The following AUTS2 variants were observed in gnomAD, a reference collection of about 807,000 sequenced individuals.
AUTS2 encodes activator of transcription and developmental regulator AUTS2, also known as autism susceptibility gene 2 protein.
In AUTS2, 17 loss-of-function variants were observed where a neutral mutation model predicts 112.4. That is an observed-to-expected ratio of 0.15 (90% confidence interval 0.10 to 0.23). AUTS2 has a LOEUF of 0.23. AUTS2 is among the 10% of genes least tolerant of loss of function. The pLI is 1.00. For missense variants in AUTS2, 1,510 were observed against 1,701.6 expected (o/e 0.89, Z 1.98); for synonymous variants, 751 against 702.7 (o/e 1.07, Z -1.09).
At chr7:70,624,009 A>G (rs1804812979) in intron 5 of AUTS2, among the ~76,000 whole-genome samples, 1 of 152,234 alleles carries the variant, frequency 6.6e-6, no homozygotes, top group African/African-American at 2.4e-5. Context: ...TCCTTCCATC[A>G]GGTTAGACTA....
intron 4 of AUTS2, among the ~76,000 whole-genome samples, chr7:70,203,444 A>C (rs1810407455): frequency 6.6e-6 from 1 of 151,498 alleles, no homozygotes; most frequent in Non-Finnish European, 1.5e-5. Context: ...AATGGAAGGA[A>C]AATAAGCTTA....
chr7:70,184,838 C>A (rs201659475), intron 4 of AUTS2, among the ~76,000 whole-genome samples: 1 of 152,078 alleles, frequency 6.6e-6, no homozygotes, highest in Admixed American at 6.6e-5. Context: ...TACAAAATTT[C>A]TTTTTTGTGG....
chr7:70,576,796 T>C (rs1161556561), intron 5 of AUTS2, among the ~76,000 whole-genome samples: 1 of 152,202 alleles, frequency 6.6e-6, no homozygotes, highest in Non-Finnish European at 1.5e-5. Context: ...GGATAAAGGA[T>C]TTTGTTTGAA....
At chr7:69,660,341 A>C (rs748630812) in intron 1 of AUTS2, among the ~76,000 whole-genome samples, 2 of 152,068 alleles carry the variant, frequency 1.3e-5, no homozygotes, top group East Asian at 3.9e-4. Context: ...TTTTCTTTTC[A>C]ATTTTTGATG....
chr7:69,865,646 A>C (rs1471489250), intron 1 of AUTS2, among the ~76,000 whole-genome samples: 6 of 152,148 alleles, frequency 3.9e-5, no homozygotes, highest in African/African-American at 1.4e-4. Flanking sequence ...CTTTATCCAT[A>C]TCTTGTGCCA....
At chr7:69,693,147 A>T (rs1444149666) in intron 1 of AUTS2, among the ~76,000 whole-genome samples, 2 of 152,232 alleles carry the variant, frequency 1.3e-5, no homozygotes, top group African/African-American at 4.8e-5. Context: ...TGAGTTACTT[A>T]ACATTCCCTG....
At chr7:69,742,111 CTTTTTTTT>C (rs752148406) in intron 1 of AUTS2, among the ~76,000 whole-genome samples, 1 of 125,712 alleles carries the variant, frequency 8.0e-6, no homozygotes, top group African/African-American at 3.1e-5. Context: ...CCTATTTTAC[CTTTTTTTT>C]TTTTTTTTTT....
chr7:70,585,002 T>C (rs956405465), intron 5 of AUTS2, among the ~76,000 whole-genome samples: 2 of 152,212 alleles, frequency 1.3e-5, no homozygotes, highest in Non-Finnish European at 2.9e-5. Flanking sequence ...CCAAAATTAT[T>C]AACTCCTCTG....
chr7:69,707,115 G>A (rs1798094850), intron 1 of AUTS2, among the ~76,000 whole-genome samples: 1 of 151,928 alleles, frequency 6.6e-6, no homozygotes, highest in African/African-American at 2.4e-5. Context: ...TTTTCTTTTG[G>A]TCACCTTAAC....
At chr7:70,055,478 A>G (rs761381386) in intron 2 of AUTS2, among the ~76,000 whole-genome samples, 1 of 152,166 alleles carries the variant, frequency 6.6e-6, no homozygotes, top group Non-Finnish European at 1.5e-5. Flanking sequence ...CAAATAACTT[A>G]AGTAATAATG....
intron 1 of AUTS2, among the ~76,000 whole-genome samples, chr7:69,767,904 C>T (rs1478428201): frequency 6.6e-6 from 1 of 152,220 alleles, no homozygotes; most frequent in African/African-American, 2.4e-5. Flanking sequence ...CTCAGACCCT[C>T]CTCTAGAGCA....
chr7:69,739,976 C>T (rs1787195464), intron 1 of AUTS2, among the ~76,000 whole-genome samples: 1 of 152,174 alleles, frequency 6.6e-6, no homozygotes, highest in African/African-American at 2.4e-5. Context: ...TGCTAAACTC[C>T]CAGTGGTCTT....
intron 5 of AUTS2, among the ~76,000 whole-genome samples, chr7:70,660,704 G>A (rs761352900): frequency 7.2e-5 from 11 of 152,304 alleles, no homozygotes; most frequent in Non-Finnish European, 1.0e-4. Context: ...CCTCACCAGG[G>A]GAAGTAGCTG....
At chr7:70,638,786 G>A (rs1313378572) in intron 5 of AUTS2, among the ~76,000 whole-genome samples, 4 of 152,168 alleles carry the variant, frequency 2.6e-5, no homozygotes, top group African/African-American at 9.7e-5. Context: ...AAAATGTGCT[G>A]TACTTTAGCA....
intron 1 of AUTS2, among the ~76,000 whole-genome samples, chr7:69,713,212 A>C (rs1461636259): frequency 6.6e-6 from 1 of 152,196 alleles, no homozygotes; most frequent in Non-Finnish European, 1.5e-5. Flanking sequence ...CTACCACCTC[A>C]TACATTTATC....
intron 5 of AUTS2, among the ~76,000 whole-genome samples, chr7:70,544,968 C>T (rs1196040513): frequency 6.6e-6 from 1 of 152,198 alleles, no homozygotes; most frequent in Admixed American, 6.5e-5. Flanking sequence ...AGACTCTCCT[C>T]TCCAAAAGCA....
At chr7:69,693,660 A>ATCTC (rs755202645) in intron 1 of AUTS2, among the ~76,000 whole-genome samples, 1 of 152,120 alleles carries the variant, frequency 6.6e-6, no homozygotes, top group Non-Finnish European at 1.5e-5. Context: ...GTGATATCAT[A>ATCTC]TCTCTCTCTC....
chr7:70,003,900 T>C (rs1387428169), intron 2 of AUTS2, among the ~76,000 whole-genome samples: 1 of 83,618 alleles, frequency 1.2e-5, no homozygotes, highest in East Asian at 3.0e-4. Context: ...ATATATATAT[T>C]ATATATGAAT....
intron 4 of AUTS2, among the ~76,000 whole-genome samples, chr7:70,254,523 T>A (rs1397920320): frequency 6.6e-6 from 1 of 152,222 alleles, no homozygotes; most frequent in African/African-American, 2.4e-5. Context: ...TAAGCACTCA[T>A]TTGTTTTTCT....
Sources: gnomAD v4.1 joint callset for allele counts (sites outside exome capture counted in the v4.1 genomes callset) on GRCh38, gnomAD v4.1.1 for gene constraint, MANE v1.5 for transcripts, NCBI Gene and HGNC (gene_info 2026-07-23, HGNC 2026-07-21) for gene names.